PABPC4L: variants seen among roughly 807,000 people sequenced by gnomAD.
PABPC4L encodes poly(A) binding protein cytoplasmic 4 like.
For missense variants in PABPC4L, 452 were observed against 451.4 expected (o/e 1.00, Z -0.01); for synonymous variants, 169 against 164.1 (o/e 1.03, Z -0.23).
chr4:133,995,871 T>C, the PABPC4L span, among the ~76,000 whole-genome samples: 2 of 152,176 alleles, frequency 1.3e-5, no homozygotes, highest in African/African-American at 4.8e-5. Flanking sequence ...CCCATGTGGG[T>C]ATATGGAAGT....
chr4:134,063,353 T>C, the PABPC4L span, among the ~76,000 whole-genome samples: 1 of 152,044 alleles, frequency 6.6e-6, no homozygotes, highest in Admixed American at 6.6e-5. Flanking sequence ...TCATATCCTC[T>C]TGAACTCTCA....
chr4:133,985,871 T>A, the PABPC4L span, among the ~76,000 whole-genome samples: 1 of 152,104 alleles, frequency 6.6e-6, no homozygotes, highest in Non-Finnish European at 1.5e-5. Flanking sequence ...GTACTATAAA[T>A]TCTCTAACTT....
the PABPC4L span, among the ~76,000 whole-genome samples, chr4:133,971,094 A>C: frequency 1.4e-5 from 2 of 147,658 alleles, no homozygotes; most frequent in African/African-American, 5.0e-5. Context: ...CTACCTAGGT[A>C]AATCTTATAT....
the PABPC4L span, among the ~76,000 whole-genome samples, chr4:133,989,276 C>T: frequency 6.6e-6 from 1 of 152,146 alleles, no homozygotes; most frequent in Non-Finnish European, 1.5e-5. Flanking sequence ...TCTTTTCTAT[C>T]ACATCATCAG....
chr4:134,133,620 A>C, the PABPC4L span, among the ~76,000 whole-genome samples: 1 of 151,616 alleles, frequency 6.6e-6, no homozygotes, highest in Non-Finnish European at 1.5e-5. Context: ...TCTCACTCAT[A>C]AGTAGGAGCT....
chr4:134,045,476 T>C, the PABPC4L span, among the ~76,000 whole-genome samples: 2 of 152,148 alleles, frequency 1.3e-5, no homozygotes, highest in Non-Finnish European at 2.9e-5. Context: ...GTATGAGAAC[T>C]GAAGTGTACA....
At chr4:133,989,707 G>A in the PABPC4L span, among the ~76,000 whole-genome samples, 28 of 152,172 alleles carry the variant, frequency 1.8e-4, no homozygotes, top group Middle Eastern at 6.8e-3. Context: ...TTCTGAAGTA[G>A]CTTCCATATT....
the PABPC4L span, among the ~76,000 whole-genome samples, chr4:134,028,550 G>A: frequency 3.0e-4 from 45 of 151,538 alleles, no homozygotes; most frequent in Non-Finnish European, 3.1e-4. Flanking sequence ...CAACTTCACT[G>A]TTAATAGGCC....
At chr4:133,955,471 A>G in the PABPC4L span, among the ~76,000 whole-genome samples, 1 of 152,238 alleles carries the variant, frequency 6.6e-6, no homozygotes, top group African/African-American at 2.4e-5. Context: ...TTTTTATTAC[A>G]ATTATTAACA....
At chr4:134,193,608 C>A (rs1024992279), downstream of PABPC4L, among the ~76,000 whole-genome samples, 4 of 151,892 alleles carry the variant, frequency 2.6e-5, no homozygotes, top group East Asian at 7.8e-4. Flanking sequence ...ATTTGGCTCC[C>A]AAATTCTATA....
the PABPC4L span, among the ~76,000 whole-genome samples, chr4:133,948,774 T>C: frequency 6.6e-6 from 1 of 152,298 alleles, no homozygotes; most frequent in Admixed American, 6.5e-5. Context: ...TCGCTTTTGT[T>C]GAGGGCTAGT....
chr4:134,114,513 G>A, the PABPC4L span, among the ~76,000 whole-genome samples: 11 of 151,852 alleles, frequency 7.2e-5, no homozygotes, highest in Non-Finnish European at 1.2e-4. Context: ...TTGTACCTCC[G>A]TAATACTCAA....
chr4:134,053,509 T>C, the PABPC4L span, among the ~76,000 whole-genome samples: 3 of 152,022 alleles, frequency 2.0e-5, no homozygotes, highest in Non-Finnish European at 4.4e-5. Context: ...GAGCTAATTA[T>C]CTAGAAAATT....
the PABPC4L span, among the ~76,000 whole-genome samples, chr4:134,122,804 GCTT>G: frequency 1.1e-4 from 17 of 151,500 alleles, no homozygotes; most frequent in Admixed American, 8.6e-4. Flanking sequence ...TTGTTTATAT[GCTT>G]CTTCTACTTA....
At chr4:134,111,550 A>G in the PABPC4L span, among the ~76,000 whole-genome samples, 1 of 151,970 alleles carries the variant, frequency 6.6e-6, no homozygotes, top group African/African-American at 2.4e-5. Context: ...CTAGAGAACC[A>G]GGACTATTGC....
At chr4:134,117,423 A>G in the PABPC4L span, among the ~76,000 whole-genome samples, 1 of 151,784 alleles carries the variant, frequency 6.6e-6, no homozygotes, top group East Asian at 1.9e-4. Context: ...TGATAAAAAT[A>G]TCCAGGCAGC....
the PABPC4L span, among the ~76,000 whole-genome samples, chr4:133,974,598 T>C: frequency 2.6e-4 from 39 of 152,124 alleles, no homozygotes; most frequent in African/African-American, 9.4e-4. Context: ...ACCAACATAA[T>C]AGAAAAATAT....
At chr4:133,955,132 A>G in the PABPC4L span, among the ~76,000 whole-genome samples, 4 of 152,306 alleles carry the variant, frequency 2.6e-5, no homozygotes, top group Non-Finnish European at 5.9e-5. Context: ...AAAAAGGGAA[A>G]GATAAACAGG....
At chr4:133,949,428 C>A in the PABPC4L span, among the ~76,000 whole-genome samples, 1 of 152,182 alleles carries the variant, frequency 6.6e-6, no homozygotes, top group Admixed American at 6.5e-5. Context: ...AATACTCGGG[C>A]TTTCTTTCAC....
Sources: allele counts gnomAD v4.1 joint callset (sites outside exome capture counted in the v4.1 genomes callset), GRCh38; gene constraint gnomAD v4.1.1; transcripts MANE v1.5; gene names NCBI Gene and HGNC (gene_info 2026-07-23, HGNC 2026-07-21).